The following MOV10L1 variants were observed in gnomAD, a reference collection of about 807,000 sequenced individuals.
The protein encoded by MOV10L1 is RNA helicase Mov10l1.
A neutral mutation model predicts 143.8 loss-of-function variants in MOV10L1; 110 were observed. The ratio of observed to expected loss-of-function variants is 0.76; its 90% CI spans 0.66 to 0.90. The LOEUF is 0.90. Ranked by LOEUF, MOV10L1 falls within the 40% of genes least tolerant of loss-of-function variation. The pLI, the probability that MOV10L1 is intolerant of heterozygous loss-of-function variation, is 0.00. For synonymous variants in MOV10L1, 593 were observed against 581.1 expected, an observed-to-expected ratio of 1.02 and a Z score of -0.29; for missense variants, 1,406 against 1,526.8, an observed-to-expected ratio of 0.92 and a Z score of 1.32.
chr22:50,138,599 A>G (rs944113788), intron 15 of MOV10L1, among the ~76,000 whole-genome samples: 5 of 152,260 alleles, frequency 3.3e-5, no homozygotes, highest in African/African-American at 7.2e-5. Flanking sequence ...GATGGAATCT[A>G]AAATGAAGCT....
In MOV10L1 at chr22:50,090,171, C is replaced by G; in HGVS notation, c.83C>G (p.Pro28Arg). The G allele has an allele frequency of 7.0e-7, 1 of 1,419,994 alleles. No homozygotes were observed. The highest frequency in any genetic ancestry group is 9.2e-7 in the Non-Finnish European group (1 of 1,088,778). The allele number at this position is 1,419,994 out of a possible 1,614,324, so 88.0% of individuals were successfully genotyped here. The change falls in exon 1 of 27, where the codon CCC (proline) becomes CGC (arginine). Residue 28 changes from proline (P) to arginine (R), a missense_variant. Pro to Arg is a moderately radical substitution (Grantham distance 103). This residue lies in a region of MOV10L1 where 166 missense variants were observed against 153.9 expected (regional missense o/e 1.08). Transcript: ENST00000262794. ...TPREEAGQLE[P>R]ELAEGDTKLK... ...AGGGAGGAAGCCGGGCAGCTGGAGC[C>G]CGAGCTCGCGGAAGGTGGCTCGCGG...
intron 24 of MOV10L1, 118 bp from the exon 25 acceptor site, chr22:50,160,570 C>A: frequency 7.4e-7 from 1 of 1,346,650 alleles, no homozygotes; most frequent in East Asian, 2.5e-5. Context: ...CTTTTTGAAC[C>A]AAAAATGAGG....
At chr22:50,110,184 T>C (rs1315165425) in intron 5 of MOV10L1, among the ~76,000 whole-genome samples, 5 of 151,556 alleles carry the variant, frequency 3.3e-5, no homozygotes, top group Admixed American at 2.0e-4. Context: ...GCGCGGTGGC[T>C]CACGCCCGTA....
intron 24 of MOV10L1, 149 bp from the exon 25 acceptor site, chr22:50,160,539 A>G: frequency 1.0e-6 from 1 of 996,652 alleles, no homozygotes; most frequent in Non-Finnish European, 1.4e-6. Flanking sequence ...GGCGTGAGCC[A>G]CCGCGCCCGG....
At chr22:50,100,613 A>G (rs2061720374) in intron 3 of MOV10L1, among the ~76,000 whole-genome samples, 1 of 151,726 alleles carries the variant, frequency 6.6e-6, no homozygotes. Flanking sequence ...TCCTGGGTTC[A>G]GGCGATTCTC....
At chr22:50,108,417 G>C (rs1206930314) in intron 4 of MOV10L1, 169 bp downstream of exon 4, 1 of 786,672 alleles carries the variant, frequency 1.3e-6, no homozygotes, top group South Asian at 1.5e-5. Flanking sequence ...GTTTCGTTTG[G>C]AAACAATAAC....
chr22:50,145,057 C>G (rs1218582332), intron 18 of MOV10L1, among the ~76,000 whole-genome samples: 1 of 152,102 alleles, frequency 6.6e-6, no homozygotes, highest in Non-Finnish European at 1.5e-5. Flanking sequence ...ATTCTCCTGC[C>G]TCAGCCTCCT....
intron 25 of MOV10L1, 69 bp from the exon 26 acceptor site, chr22:50,160,895 C>T (rs2063543607): frequency 1.3e-5 from 21 of 1,612,806 alleles, no homozygotes; most frequent in Middle Eastern, 3.3e-4. Context: ...CGGGGTGAGA[C>T]GTACGAGGCA....
chr22:50,113,639 T>C lies in MOV10L1; in HGVS notation c.744-9T>C, dbSNP rs1386594239. On this transcript the variant is annotated splice_polypyrimidine_tract_variant and intron_variant, in intron 5 of 26. Coordinates refer to ENST00000262794, the MANE Select transcript of MOV10L1 (RefSeq NM_018995.3). ...GCAGAGGGATGTCTTTCTGGGGCTC[T>C]TTTTTCAGAGACGCCGCCCCTGTTC... 1 of 1,609,818 alleles carries C rather than the reference T, an allele frequency of 6.2e-7. No homozygotes were observed. Among genetic ancestry groups the C allele is most frequent in the Non-Finnish European group, 8.5e-7 (1 of 1,178,034 alleles).
chr22:50,144,686 A>G (rs1456565096), intron 18 of MOV10L1, among the ~76,000 whole-genome samples: 1 of 150,938 alleles, frequency 6.6e-6, no homozygotes, highest in Admixed American at 6.6e-5. Flanking sequence ...GGTTCACACC[A>G]TTCTCTGGCC....
intron 19 of MOV10L1, 93 bp from the exon 20 acceptor site, chr22:50,149,522 C>T (rs963113441): frequency 9.0e-5 from 114 of 1,260,760 alleles, no homozygotes; most frequent in Non-Finnish European, 1.1e-4. Context: ...GCTGTGCCCC[C>T]GGGGTGCTGA....
Position 50,160,802 on chromosome 22 carries a change from G to A in MOV10L1, c.3439G>A (p.Gly1147Arg). 6.2e-7 allele frequency: 1 copy of A among 1,614,000 alleles called. No individual in the cohort carries two copies. ...ACCCAAAGCTTTGCTGATAGTGCTG[G>A]GAAACCCCCATGTTCTCGTTCGAGT... Reference protein sequence around the residue: ...TRPKALLIVLGNPHVLVRDPC... With the variant: ...TRPKALLIVLRNPHVLVRDPC... The change falls in exon 25 of 27, where the codon GGA (glycine) becomes AGA (arginine). Residue 1147 changes from glycine to arginine, a missense_variant. This residue lies in a region of MOV10L1 where 1,233 missense variants were observed against 1,351.4 expected (regional missense o/e 0.91). Transcript: ENST00000262794.
intron 5 of MOV10L1, among the ~76,000 whole-genome samples, chr22:50,111,808 T>A (rs1240116878): frequency 1.3e-5 from 2 of 151,742 alleles, no homozygotes; most frequent in East Asian, 3.9e-4. Context: ...CGGCCCCGAG[T>A]CTTTATTTTC....
chr22:50,131,487 T>G (rs903336121), intron 13 of MOV10L1, among the ~76,000 whole-genome samples: 1 of 152,222 alleles, frequency 6.6e-6, no homozygotes, highest in African/African-American at 2.4e-5. Context: ...TCACAGATCT[T>G]TTAATGATGC....
At chr22:50,108,050 A>G (rs2061920576) in intron 3 of MOV10L1, 86 bp from the exon 4 acceptor site, 16 of 1,166,072 alleles carry the variant, frequency 1.4e-5, no homozygotes, top group African/African-American at 3.0e-5. Flanking sequence ...ATCCTCAGGT[A>G]TGATAGAAAT....
rs573022625 is a variant in MOV10L1 at position 50,138,203 on chromosome 22, A to G, written c.2070+3573A>G. ...GATCAGGATCAGGGCATGTTTCCTCAGCATTTCTGCCCAGCATTGTGCATT... is the reference window on the plus strand; with the variant it reads ...GATCAGGATCAGGGCATGTTTCCTCGGCATTTCTGCCCAGCATTGTGCATT... On this transcript the variant is annotated intron_variant, in intron 15 of 26. Coordinates refer to ENST00000262794, the MANE Select transcript of MOV10L1 (RefSeq NM_018995.3). Among the ~76,000 whole-genome samples the G allele has an allele frequency of 3.3e-5, 5 of 152,308 alleles. No individual in the cohort carries two copies. In the South Asian group the frequency reaches 1.0e-3, roughly 32 times the overall value.
At chr22:50,146,909 CA>C in intron 19 of MOV10L1, 1 of 674,752 alleles carries the variant, frequency 1.5e-6, no homozygotes, top group East Asian at 2.8e-5. Flanking sequence ...CAAAATCCAC[CA>C]TGTATTTTAC....
chr22:50,144,037 C>T lies in MOV10L1; in HGVS notation c.2359-60C>T, dbSNP rs539698337. The T allele has an allele frequency of 2.7e-5, 43 of 1,572,746 alleles. No homozygotes were observed. In the Admixed American group the frequency reaches 5.6e-4, roughly 21 times the overall value. ...GAATGTGTGTGTTGAGGTTAGACTC[C>T]TGGTTTCCACCTTGCGGTGTGGATG... On this transcript the variant is annotated intron_variant, in intron 17 of 26. Coordinates refer to ENST00000262794, the MANE Select transcript of MOV10L1 (RefSeq NM_018995.3).
Position 50,142,158 on chromosome 22 carries a change from G to A in MOV10L1, c.2148G>A (p.Leu716=). ...TTGGTGACAAGGACCTGCCGGTGCT[G>A]GCACCCTTTACTGCAGAGATGAGCG... The part of the protein sequence containing the change: ...RRVGDKDLPV[L]APFTAEMSDW... The change falls in exon 16 of 27, where the codon CTG becomes CTA. Residue 716 remains leucine (L), a synonymous_variant. Coordinates refer to ENST00000262794, the MANE Select transcript of MOV10L1 (RefSeq NM_018995.3). The A allele has an allele frequency of 6.2e-7, 1 of 1,613,442 alleles. No individual in the cohort carries two copies. The highest frequency in any genetic ancestry group is 1.3e-5 in the African/African-American group (1 of 74,974).
Sources: allele counts gnomAD v4.1 joint callset (sites outside exome capture counted in the v4.1 genomes callset), GRCh38; gene constraint gnomAD v4.1.1; regional missense constraint gnomAD v4.1.1; transcripts MANE v1.5; gene names NCBI Gene and HGNC (gene_info 2026-07-23, HGNC 2026-07-21).